Variants in PKD1L3 observed in about 807,000 individuals in gnomAD.
The protein encoded by PKD1L3 is polycystin 1 like 3, transient receptor potential channel interacting.
Under a neutral mutation model 184.1 loss-of-function variants are expected in PKD1L3, and 239 were observed. The observed-to-expected ratio is 1.30, with a 90% CI of 1.17 to 1.45. PKD1L3 has a LOEUF of 1.45. PKD1L3 is among the 40% of genes most tolerant of loss of function. The pLI is 0.00. For synonymous variants in PKD1L3, 996 were observed against 778.8 expected (o/e 1.28, Z -4.64); for missense variants, 2,660 against 2,067.2 (o/e 1.29, Z -5.56).
chr16:71,953,106 C>A lies in PKD1L3; in HGVS notation c.2810-13G>T. ...GCAAATGGACGCACTGAAAGAAAAG[C>A]ATGACATCAACTTTCATCTTCAACA... On this transcript the variant is annotated splice_polypyrimidine_tract_variant and intron_variant, in intron 17 of 29. Coordinates refer to ENST00000620267, the MANE Select transcript of PKD1L3 (RefSeq NM_181536.2). 6.9e-7 allele frequency: 1 copy of A among 1,448,282 alleles called. No individual in the cohort carries two copies. Among genetic ancestry groups the A allele is most frequent in the Non-Finnish European group, 9.1e-7 (1 of 1,098,450 alleles). 89.7% of individuals were successfully genotyped at this position (1,448,282 alleles called of 1,614,324 possible).
At chr16:71,941,213 C>A (rs1287398580) in intron 24 of PKD1L3, among the ~76,000 whole-genome samples, 3 of 150,876 alleles carry the variant, frequency 2.0e-5, no homozygotes, top group Non-Finnish European at 4.4e-5. Flanking sequence ...AACAACAAAT[C>A]AAAAAACTAG....
intron 16 of PKD1L3, among the ~76,000 whole-genome samples, chr16:71,957,672 C>A (rs2039098814): frequency 6.6e-6 from 1 of 152,094 alleles, no homozygotes; most frequent in African/African-American, 2.4e-5. Context: ...TGGCACATGC[C>A]TGTATTTCTA....
intron 4 of PKD1L3, among the ~76,000 whole-genome samples, chr16:71,989,344 G>A (rs2040499030): frequency 6.6e-6 from 1 of 152,152 alleles, no homozygotes. Context: ...GTAGAGACGA[G>A]GTTTCACCAT....
In PKD1L3 at chr16:71,963,246, C is replaced by A; in HGVS notation, c.2571G>T (p.Arg857=). ...CTCTCTTTGAAACTGGGATGAAGAC[C>A]CGGTCAAGCTCACAGTCTCCGAGGT... is the stretch of plus-strand genomic sequence containing the variant. ...AVDLGDCELD[R]VFIPVSKREL... is the part of the protein sequence containing the mutation. The change falls in exon 16 of 30, where the codon CGG becomes CGT. Residue 857 remains arginine, a synonymous_variant. Transcript: ENST00000620267. 1 of 1,550,412 alleles carries A rather than the reference C, an allele frequency of 6.4e-7. No individual in the cohort carries two copies. Among genetic ancestry groups the A allele is most frequent in the Admixed American group, 2.0e-5 (1 of 50,824 alleles).
chr16:71,963,503 C>A (rs2039367373), intron 15 of PKD1L3, among the ~76,000 whole-genome samples, 152 bp from the exon 16 acceptor site: 1 of 152,162 alleles, frequency 6.6e-6, no homozygotes, highest in Non-Finnish European at 1.5e-5. Flanking sequence ...AAGTTGAGGC[C>A]AGACATGGTG....
intron 6 of PKD1L3, among the ~76,000 whole-genome samples, 163 bp downstream of exon 6, chr16:71,983,873 G>C (rs951880943): frequency 1.1e-4 from 17 of 151,660 alleles, no homozygotes; most frequent in Non-Finnish European, 4.4e-5. Context: ...ATGTTGCCCA[G>C]TCAGGTCTTG....
At chr16:71,947,266 A>T (rs1597299209) in intron 22 of PKD1L3, among the ~76,000 whole-genome samples, 1 of 152,156 alleles carries the variant, frequency 6.6e-6, no homozygotes, top group Non-Finnish European at 1.5e-5. Flanking sequence ...TCAAAAAAAT[A>T]AAATTAAATA....
Position 71,969,884 on chromosome 16 carries a change from A to G in PKD1L3, c.2175T>C (p.Asp725=). ...ATCAAAGTCTCATTACCTTCTGCATATCTGCTTGATCCTTTTTCCGAGCCC... is the reference window on the plus strand; with the variant it reads ...ATCAAAGTCTCATTACCTTCTGCATGTCTGCTTGATCCTTTTTCCGAGCCC... The part of the protein sequence containing the change: ...VVWARKKDQA[D]MQKVKVTVLA... The change falls in exon 13 of 30, where the codon GAT becomes GAC. Residue 725 remains aspartate (D), a synonymous_variant. Transcript: ENST00000620267. 1 of 1,548,038 alleles carries G rather than the reference A, an allele frequency of 6.5e-7. No homozygotes were observed. Among genetic ancestry groups the G allele is most frequent in the South Asian group, 1.2e-5 (1 of 83,968 alleles).
At chr16:71,986,120 T>C (rs888365158) in intron 5 of PKD1L3, 101 bp downstream of exon 5, 33 of 1,423,446 alleles carry the variant, frequency 2.3e-5, no homozygotes, top group Non-Finnish European at 2.8e-5. Context: ...CGCTGGTCTG[T>C]CAGGCATTCT....
chr16:71,945,867 C>A (rs2038583821), intron 22 of PKD1L3, among the ~76,000 whole-genome samples: 1 of 151,966 alleles, frequency 6.6e-6, no homozygotes, highest in Non-Finnish European at 1.5e-5. Context: ...TCCAGATGAA[C>A]AAGGGTGATG....
intron 17 of PKD1L3, 138 bp from the exon 18 acceptor site, chr16:71,953,231 C>G (rs2038917641): frequency 1.4e-6 from 1 of 731,312 alleles, no homozygotes; most frequent in Admixed American, 3.7e-5. Flanking sequence ...GCAGTAAAGA[C>G]CATGTTGTGT....
At chr16:71,943,931 C>T in intron 23 of PKD1L3, 99 bp downstream of exon 23, 1 of 1,359,544 alleles carries the variant, frequency 7.4e-7, no homozygotes, top group Non-Finnish European at 9.9e-7. Context: ...TAAAAGACAG[C>T]TTTTTAACCC....
At chr16:71,986,152 G>T (rs1472292315) in intron 5 of PKD1L3, 69 bp downstream of exon 5, 7 of 1,510,852 alleles carry the variant, frequency 4.6e-6, no homozygotes, top group Middle Eastern at 1.7e-4. Context: ...CTGCAGGGAG[G>T]CAAATGGGTG....
chr16:71,955,061 T>C (rs1038964662), intron 16 of PKD1L3, among the ~76,000 whole-genome samples: 1 of 152,152 alleles, frequency 6.6e-6, no homozygotes, highest in East Asian at 1.9e-4. Context: ...GACAGCTTCA[T>C]GACCAGGAAC....
chr16:71,958,824 C>G (rs1212709186), intron 16 of PKD1L3, among the ~76,000 whole-genome samples: 2 of 145,042 alleles, frequency 1.4e-5, no homozygotes, highest in Non-Finnish European at 3.0e-5. Flanking sequence ...CGGTGGCTCA[C>G]ACCTGTAATC....
At chr16:71,940,051 T>C (rs1452906648) in intron 24 of PKD1L3, among the ~76,000 whole-genome samples, 5 of 152,034 alleles carry the variant, frequency 3.3e-5, no homozygotes, top group Non-Finnish European at 5.9e-5. Flanking sequence ...GCCTCAGAAA[T>C]TGCAGGCATC....
At chr16:71,952,195 A>AT (rs34849069) in intron 18 of PKD1L3, among the ~76,000 whole-genome samples, 9,155 of 50,854 alleles carry the variant, frequency 0.18, 2,295 homozygotes, top group East Asian at 0.4. Flanking sequence ...GGAGCATGTC[A>AT]TTTTTTTTTT....
In PKD1L3 at chr16:71,990,281, A is replaced by G. The variant is rs2040537993; in HGVS notation, c.584T>C (p.Leu195Pro). 6.5e-7 allele frequency: 1 copy of G among 1,545,740 alleles called. No homozygotes were observed. Among genetic ancestry groups the G allele is most frequent in the South Asian group, 1.2e-5 (1 of 83,936 alleles). ...TTCHYPLPAH[L>P]SKTLCHPISQ... is the part of the protein sequence containing the mutation. ...TATGTTGTCAAGGGAAGCACTTACAAGATGAGCAGGAAGAGGATAGTGACA... is the reference window on the plus strand; with the variant it reads ...TATGTTGTCAAGGGAAGCACTTACAGGATGAGCAGGAAGAGGATAGTGACA... The change falls in exon 4 of 30, where the codon CTT (leucine) becomes CCT (proline). Residue 195 changes from leucine (L) to proline (P), a missense_variant and splice_region_variant. Physicochemically the swap from Leu to Pro is moderately conservative, Grantham distance 98. Coordinates refer to ENST00000620267, the MANE Select transcript of PKD1L3 (RefSeq NM_181536.2).
chr16:71,993,411 C>T lies in PKD1L3; in HGVS notation c.419-79G>A, dbSNP rs550338730. ...GTCTATAAAACCATCATTACATGCA[C>T]GTATGTGATAATCAGGAAAACACAA... On this transcript the variant is annotated intron_variant, in intron 2 of 29. Transcript: ENST00000620267. The T allele has an allele frequency of 5.3e-4, 458 of 861,826 alleles. 2 individuals are homozygous for T. The South Asian group carries it at 6.5e-3, about 12-fold the overall frequency. The allele number at this position is 861,826 out of a possible 1,614,324, so 53.4% of individuals were successfully genotyped here.
Sources: allele counts gnomAD v4.1 joint callset (sites outside exome capture counted in the v4.1 genomes callset), GRCh38; gene constraint gnomAD v4.1.1; transcripts MANE v1.5; gene names NCBI Gene and HGNC (gene_info 2026-07-23, HGNC 2026-07-21).